Variants in NTRK2 observed in about 807,000 individuals in gnomAD.
NTRK2 encodes BDNF/NT-3 growth factors receptor.
A neutral mutation model predicts 94.5 loss-of-function variants in NTRK2; 13 were observed. That is an observed-to-expected ratio of 0.14 (90% CI 0.09 to 0.22). NTRK2 has a LOEUF of 0.22. Among genes scored for constraint, NTRK2 ranks in the 10% least tolerant of loss-of-function variants. The pLI is 1.00. For missense variants in NTRK2, 639 were observed against 1,071.2 expected, an observed-to-expected ratio of 0.60 and a Z score of 5.63; for synonymous variants, 372 against 407.4, an observed-to-expected ratio of 0.91 and a Z score of 1.05.
chr9:84,854,815 C>T (rs2074979055), intron 12 of NTRK2, among the ~76,000 whole-genome samples: 1 of 151,944 alleles, frequency 6.6e-6, no homozygotes. Context: ...GGCATGATGG[C>T]ATGTGCCTGT....
intron 14 of NTRK2, among the ~76,000 whole-genome samples, chr9:84,929,322 G>A (rs1164172794): frequency 1.3e-5 from 2 of 152,146 alleles, no homozygotes; most frequent in African/African-American, 2.4e-5. Flanking sequence ...TGGGACAAAT[G>A]ACCAAGGGCA....
chr9:84,674,247 T>G (rs1055949925), intron 2 of NTRK2, among the ~76,000 whole-genome samples: 5 of 152,236 alleles, frequency 3.3e-5, no homozygotes, highest in African/African-American at 1.2e-4. Flanking sequence ...TAGGGATCTT[T>G]TTTTTGAATT....
intron 12 of NTRK2, among the ~76,000 whole-genome samples, chr9:84,833,751 C>A (rs2073711599): frequency 6.6e-6 from 1 of 152,122 alleles, no homozygotes; most frequent in Non-Finnish European, 1.5e-5. Flanking sequence ...ATCTTTGGAG[C>A]TTCATAGCAG....
At chr9:84,745,244 A>G (rs2063966772) in intron 11 of NTRK2, among the ~76,000 whole-genome samples, 171 bp downstream of exon 11, 1 of 152,166 alleles carries the variant, frequency 6.6e-6, no homozygotes, top group Non-Finnish European at 1.5e-5. Flanking sequence ...TAAAGGTGTT[A>G]TATGGCCTTT....
intron 6 of NTRK2, among the ~76,000 whole-genome samples, chr9:84,720,017 CAAAAA>C (rs57132074): frequency 2.3e-5 from 2 of 87,748 alleles, no homozygotes; most frequent in Non-Finnish European, 4.4e-5. Context: ...AAGACTATCT[CAAAAA>C]AAAAAAAAAA....
intron 17 of NTRK2, among the ~76,000 whole-genome samples, chr9:84,961,932 TAGGATATAAGGAG>T (rs1463007725): frequency 6.6e-6 from 1 of 152,188 alleles, no homozygotes; most frequent in African/African-American, 2.4e-5. Flanking sequence ...AGACAGAAAG[TAGGATATAAGGAG>T]AGATGTCAAT....
chr9:84,701,049 T>G (rs2131674808), intron 2 of NTRK2, among the ~76,000 whole-genome samples: 1 of 152,340 alleles, frequency 6.6e-6, no homozygotes, highest in African/African-American at 2.4e-5. Context: ...CTAAGAAAAC[T>G]GAATAGACAG....
At chr9:84,833,695 G>A (rs1014797726) in intron 12 of NTRK2, among the ~76,000 whole-genome samples, 1 of 152,136 alleles carries the variant, frequency 6.6e-6, no homozygotes, top group African/African-American at 2.4e-5. Context: ...ATACTAAGAT[G>A]AGTGTCCAAT....
At chr9:84,978,559 G>T (rs1827187101) in intron 17 of NTRK2, among the ~76,000 whole-genome samples, 1 of 152,210 alleles carries the variant, frequency 6.6e-6, no homozygotes, top group South Asian at 2.1e-4. Flanking sequence ...AAAGTGCAAG[G>T]TGAAGCAATA....
intron 14 of NTRK2, chr9:84,876,565 A>C (rs11140793): frequency 0.17 from 178,441 of 1,056,196 alleles, 15,590 homozygotes; most frequent in African/African-American, 0.25. Flanking sequence ...TACTTGAGCC[A>C]GATGGACTAA....
At chr9:84,734,208 G>A (rs1383378314) in intron 9 of NTRK2, among the ~76,000 whole-genome samples, 1 of 152,216 alleles carries the variant, frequency 6.6e-6, no homozygotes, top group East Asian at 1.9e-4. Context: ...TTGCCGCCTT[G>A]AGGCTGAGCA....
At chr9:85,019,033 G>T (rs12336534) in intron 17 of NTRK2, among the ~76,000 whole-genome samples, 1 of 152,110 alleles carries the variant, frequency 6.6e-6, no homozygotes, top group South Asian at 2.1e-4. Context: ...GCTTTCTTTG[G>T]TGCTAAGAAC....
chr9:84,712,035 T>A (rs567414750), intron 6 of NTRK2, among the ~76,000 whole-genome samples: 63 of 152,298 alleles, frequency 4.1e-4, no homozygotes, highest in African/African-American at 1.5e-3. Context: ...TGAGAGAAAT[T>A]GCCTAGAGGG....
chr9:85,008,787 G>A (rs1013111094), intron 17 of NTRK2, among the ~76,000 whole-genome samples: 3 of 152,174 alleles, frequency 2.0e-5, no homozygotes, highest in Non-Finnish European at 2.9e-5. Flanking sequence ...TGCCCTTCAG[G>A]ATCGTGCAGT....
rs537221196 is a variant in NTRK2 at position 85,004,455 on chromosome 9, A to G, written c.2173-15751A>G. On this transcript the variant is annotated intron_variant, in intron 17 of 18. Coordinates refer to ENST00000277120, the MANE Select transcript of NTRK2 (RefSeq NM_006180.6). ...GATACTAGTGCTGGAAGACTTTTAT[A>G]TATTTTATTTAAGCTATTTCAAGAA... Among the ~76,000 whole-genome samples, 5 of 152,302 alleles carry G rather than the reference A, an allele frequency of 3.3e-5. No individual in the cohort carries two copies. In the South Asian group the frequency reaches 6.2e-4, roughly 19 times the overall value.
At chr9:84,801,215 A>T (rs111936754) in intron 12 of NTRK2, among the ~76,000 whole-genome samples, 179 of 152,326 alleles carry the variant, frequency 1.2e-3, no homozygotes, top group African/African-American at 3.9e-3. Context: ...TCACTTGGCC[A>T]GCATCACATA....
At chr9:84,981,321 T>C (rs1436344751) in intron 17 of NTRK2, among the ~76,000 whole-genome samples, 3 of 152,026 alleles carry the variant, frequency 2.0e-5, no homozygotes, top group Non-Finnish European at 2.9e-5. Context: ...AGGCTGGCCT[T>C]GAACTCCTGA....
intron 2 of NTRK2, among the ~76,000 whole-genome samples, chr9:84,682,238 C>T (rs749548793): frequency 1.2e-4 from 18 of 152,340 alleles, no homozygotes; most frequent in Non-Finnish European, 2.1e-4. Flanking sequence ...CAATGCTTCT[C>T]ATGTCTGGGA....
intron 6 of NTRK2, among the ~76,000 whole-genome samples, chr9:84,722,926 G>C (rs560497920): frequency 6.6e-6 from 1 of 152,222 alleles, no homozygotes; most frequent in South Asian, 2.1e-4. Context: ...TTCCAAACAA[G>C]ATAGCAATTT....
Sources: allele counts gnomAD v4.1 joint callset (sites outside exome capture counted in the v4.1 genomes callset), GRCh38; gene constraint gnomAD v4.1.1; transcripts MANE v1.5; gene names NCBI Gene and HGNC (gene_info 2026-07-23, HGNC 2026-07-21).